The following DMTN variants were observed in gnomAD, a reference collection of about 807,000 sequenced individuals.
DMTN encodes the protein dematin actin binding protein.
DMTN carries 27 observed loss-of-function variants against 59.4 expected under a neutral mutation model. The ratio of observed to expected loss-of-function variants is 0.45; its 90% confidence interval spans 0.33 to 0.63. DMTN has a LOEUF of 0.63. DMTN is among the 20% of genes least tolerant of loss of function. DMTN has a pLI of 0.02. For missense variants in DMTN, 451 were observed against 528.9 expected (o/e 0.85, Z 1.45); for synonymous variants, 221 against 203.7 (o/e 1.08, Z -0.72).
chr8:22,067,061 C>T lies in DMTN; in HGVS notation c.19-24C>T, dbSNP rs375919863. The T allele has an allele frequency of 1.8e-5, 29 of 1,587,894 alleles. 1 individual carries two copies. In the African/African-American group the frequency reaches 3.6e-4, roughly 20 times the overall value. On this transcript the variant is annotated intron_variant, in intron 2 of 15. Coordinates refer to ENST00000358242, the MANE Select transcript of DMTN (RefSeq NM_001387751.1). ...TCCCGCACACACGCACGTGCCCACC[C>T]GCCCGCCTTCTCGCTCTCCCCAGCA...
chr8:22,049,111 G>GGGCCCCA (rs1397864840), upstream of DMTN: 11 of 149,872 alleles, frequency 7.3e-5, no homozygotes, highest in Admixed American at 2.0e-4. Flanking sequence ...GCCGGGCCCC[G>GGGCCCCA]GGCCCCAGGC....
Position 22,066,828 on chromosome 8 carries a change from T to A in DMTN, c.-48T>A. 1 of 1,420,682 alleles carries A rather than the reference T, an allele frequency of 7.0e-7. No individual in the cohort carries two copies. Among genetic ancestry groups the A allele is most frequent in the Non-Finnish European group, 9.2e-7 (1 of 1,084,950 alleles). The allele number at this position is 1,420,682 out of a possible 1,614,324, so 88.0% of individuals were successfully genotyped here. ...GAGCCTGACACGCTGTCCTCTCCCC[T>A]CGCGCACAGGGCTCTGCGAGTGACC... On this transcript the variant is annotated 5_prime_UTR_variant, in exon 2 of 16. Coordinates refer to ENST00000358242, the MANE Select transcript of DMTN (RefSeq NM_001387751.1).
chr8:22,051,551 C>T (rs530102644), upstream of DMTN, among the ~76,000 whole-genome samples: 1 of 152,152 alleles, frequency 6.6e-6, no homozygotes, highest in Non-Finnish European at 1.5e-5. Context: ...CCCCACCCCC[C>T]TCGGCCTGCC....
At chr8:22,081,243 C>G in intron 15 of DMTN, 50 bp downstream of exon 15, 1 of 1,608,614 alleles carries the variant, frequency 6.2e-7, no homozygotes, top group Non-Finnish European at 8.5e-7. Context: ...CACGGGCACT[C>G]TCCTGCCTGG....
intron 4 of DMTN, 104 bp downstream of exon 4, chr8:22,067,786 G>A: frequency 7.2e-7 from 1 of 1,390,342 alleles, no homozygotes. Flanking sequence ...GTCTGCCTCG[G>A]CAAAACAAGA....
intron 10 of DMTN, among the ~76,000 whole-genome samples, chr8:22,079,817 T>C (rs923802279): frequency 6.6e-6 from 1 of 152,156 alleles, no homozygotes; most frequent in Non-Finnish European, 1.5e-5. Flanking sequence ...AAAATTATAA[T>C]AATGTAATTA....
rs187850292 is a variant in DMTN, at chr8:22,061,603, T to C, written c.-172+4467T>C. ...CCCCCCGGTGGTGTTTCAGGAAGAT[T>C]CCAGGGCCTCCCCGAGGCTCCAGAA... On this transcript the variant is annotated intron_variant, in intron 1 of 15. Transcript: ENST00000358242. Among the ~76,000 whole-genome samples the C allele has an allele frequency of 7.9e-4, 120 of 152,214 alleles. No homozygotes were observed. In the East Asian group the frequency reaches 9.9e-3, roughly 13 times the overall value.
At chr8:22,052,679 CT>C (rs149074884), upstream of DMTN, among the ~76,000 whole-genome samples, 1,268 of 149,558 alleles carry the variant, frequency 8.5e-3, 13 homozygotes, top group African/African-American at 0.029. Context: ...ACAAAGCAAC[CT>C]TTTTTTTTTC....
At chr8:22,069,125 C>A (rs1230851115) in intron 5 of DMTN, 65 bp downstream of exon 5, 1 of 1,556,244 alleles carries the variant, frequency 6.4e-7, no homozygotes. Context: ...ACTCCCTCCC[C>A]TCACACATCA....
intron 1 of DMTN, among the ~76,000 whole-genome samples, chr8:22,057,400 G>A (rs1021211008): frequency 6.6e-6 from 1 of 152,210 alleles, no homozygotes; most frequent in South Asian, 2.1e-4. Flanking sequence ...CAGCATCTCT[G>A]CCTGGCCTAC....
rs1268574248 is a variant in DMTN at position 22,072,467 on chromosome 8, C to G, written c.729+17C>G. ...CTCAGTAAGGTAGCATCTCACCACC[C>G]CCACCCTCCACCCCTGTGCAGGAGT... On this transcript the variant is annotated intron_variant, in intron 9 of 15. Transcript: ENST00000358242. 2 of 1,541,706 alleles carry G rather than the reference C, an allele frequency of 1.3e-6. No individual in the cohort carries two copies. The highest frequency in any genetic ancestry group is 8.8e-7 in the Non-Finnish European group (1 of 1,139,672).
intron 10 of DMTN, among the ~76,000 whole-genome samples, chr8:22,076,519 T>TG (rs1479393372): frequency 6.6e-6 from 1 of 151,936 alleles, no homozygotes; most frequent in African/African-American, 2.4e-5. Flanking sequence ...ATGGGAGCTA[T>TG]GATTGCGCCA....
In DMTN at chr8:22,082,165, C is replaced by A. The variant is rs746589246; in HGVS notation, c.*702C>A. On this transcript the variant is annotated 3_prime_UTR_variant, in exon 16 of 16. Transcript: ENST00000358242. ...GGAATTCCAGCACTAAGCCAGGCACCGGGCAGAAGCTGGGCCTTCCGCCTC... is the reference window on the plus strand; with the variant it reads ...GGAATTCCAGCACTAAGCCAGGCACAGGGCAGAAGCTGGGCCTTCCGCCTC... 5.3e-5 allele frequency: 24 copies of A among 456,612 alleles called. No homozygotes were observed. The highest frequency in any genetic ancestry group is 7.1e-5 in the Non-Finnish European group (16 of 226,926). The allele number at this position is 456,612 out of a possible 1,614,324, so 28.3% of individuals were successfully genotyped here. A position where few individuals can be genotyped will look rare whatever the true frequency, so the allele number is the denominator to read the frequency against.
At chr8:22,068,880 A>G in intron 4 of DMTN, 136 bp from the exon 5 acceptor site, 2 of 1,017,976 alleles carry the variant, frequency 2.0e-6, no homozygotes, top group East Asian at 2.4e-5. Context: ...GAAGGATCCA[A>G]GAAAGCAGAG....
upstream of DMTN, among the ~76,000 whole-genome samples, chr8:22,056,199 T>TTC (rs1187039985): frequency 6.6e-6 from 1 of 152,100 alleles, no homozygotes; most frequent in Non-Finnish European, 1.5e-5. Flanking sequence ...GATGGGGTCC[T>TTC]TCTCTCTCTC....
At chr8:22,080,325 C>T in intron 11 of DMTN, 81 bp downstream of exon 11, 6 of 1,613,130 alleles carry the variant, frequency 3.7e-6, no homozygotes, top group Non-Finnish European at 5.1e-6. Context: ...CACTTGGGCA[C>T]CCTCAGGGAG....
chr8:22,074,238 G>T (rs528224722), intron 10 of DMTN, among the ~76,000 whole-genome samples: 2 of 151,156 alleles, frequency 1.3e-5, no homozygotes, highest in African/African-American at 4.8e-5. Context: ...GGCCTGGGAG[G>T]CCAAACTGAG....
At chr8:22,069,683 T>C (rs538013769) in intron 6 of DMTN, among the ~76,000 whole-genome samples, 165 bp downstream of exon 6, 1 of 152,198 alleles carries the variant, frequency 6.6e-6, no homozygotes, top group African/African-American at 2.4e-5. Context: ...CCTGTCACTT[T>C]TTCTCTCTCC....
At chr8:22,052,294 G>C (rs559178534), upstream of DMTN, among the ~76,000 whole-genome samples, 5 of 152,166 alleles carry the variant, frequency 3.3e-5, no homozygotes, top group Admixed American at 6.5e-5. Context: ...TTTCCTCCCC[G>C]ACAGTGCCCA....
Sources: gnomAD v4.1 joint callset for allele counts (sites outside exome capture counted in the v4.1 genomes callset) on GRCh38, gnomAD v4.1.1 for gene constraint, MANE v1.5 for transcripts, NCBI Gene and HGNC (gene_info 2026-07-23, HGNC 2026-07-21) for gene names.